The following GRIP1 variants were observed in gnomAD, a reference collection of about 807,000 sequenced individuals.
The protein encoded by GRIP1 is glutamate receptor interacting protein 1, also known as glutamate receptor-interacting protein 1.
A neutral mutation model predicts 129.9 loss-of-function variants in GRIP1; 45 were observed. The ratio of observed to expected loss-of-function variants is 0.35; its 90% confidence interval spans 0.27 to 0.44. The LOEUF (loss-of-function observed/expected upper bound fraction) is 0.44, where lower values mean the gene tolerates loss of function less well. Ranked by LOEUF, GRIP1 falls within the 20% of genes least tolerant of loss-of-function variation. The pLI is 1.00. For missense variants in GRIP1, 1,196 were observed against 1,396.8 expected (o/e 0.86, Z 2.29); for synonymous variants, 530 against 520.8 (o/e 1.02, Z -0.24).
At chr12:66,450,840 ACAAT>A (rs1162433997) in intron 11 of GRIP1, among the ~76,000 whole-genome samples, 2 of 152,212 alleles carry the variant, frequency 1.3e-5, no homozygotes, top group Admixed American at 6.5e-5. Flanking sequence ...AAAGAAAAAA[ACAAT>A]CAATATTAAC....
intron 16 of GRIP1, among the ~76,000 whole-genome samples, chr12:66,400,438 C>A (rs911682189): frequency 6.6e-6 from 1 of 152,184 alleles, no homozygotes; most frequent in Non-Finnish European, 1.5e-5. Context: ...CACCAATACT[C>A]CAATCTGGGT....
intron 2 of GRIP1, among the ~76,000 whole-genome samples, chr12:66,567,007 TTC>T (rs2062787192): frequency 6.6e-6 from 1 of 152,152 alleles, no homozygotes; most frequent in Admixed American, 6.6e-5. Flanking sequence ...ATTGCATGTA[TTC>T]TCTCTTTTCT....
intron 1 of GRIP1, among the ~76,000 whole-genome samples, chr12:67,068,217 G>A (rs1009643858): frequency 2.6e-4 from 39 of 152,176 alleles, no homozygotes; most frequent in African/African-American, 9.2e-4. Context: ...AAGCCTTGAA[G>A]GTGCAAAAGG....
chr12:66,833,543 G>C (rs2039556241), intron 1 of GRIP1, among the ~76,000 whole-genome samples: 1 of 152,136 alleles, frequency 6.6e-6, no homozygotes. Flanking sequence ...CTGGATCCAA[G>C]TATCTACCAC....
chr12:66,520,274 CAGTGATTCTTA>C (rs1390504363), intron 5 of GRIP1, among the ~76,000 whole-genome samples: 1 of 152,114 alleles, frequency 6.6e-6, no homozygotes, highest in East Asian at 1.9e-4. Flanking sequence ...TCTGATTAAC[CAGTGATTCTTA>C]AGTGATGGGT....
chr12:66,494,784 A>G (rs2060191681), intron 7 of GRIP1, among the ~76,000 whole-genome samples: 1 of 151,942 alleles, frequency 6.6e-6, no homozygotes, highest in Non-Finnish European at 1.5e-5. Context: ...GGGAGGCTGA[A>G]GTAGGAGGAT....
intron 2 of GRIP1, among the ~76,000 whole-genome samples, chr12:66,577,732 TTGAGCCCAGGAATTCAAAACCATCC>T: frequency 6.6e-6 from 1 of 152,148 alleles, no homozygotes; most frequent in African/African-American, 2.4e-5. Flanking sequence ...GGAGGATTGC[TTGAGCCCAGGAATTCAAAACCATCC>T]TGGGCAACAT....
chr12:66,464,765 C>CTG (rs35930453), intron 8 of GRIP1, among the ~76,000 whole-genome samples: 1 of 151,942 alleles, frequency 6.6e-6, no homozygotes, highest in Non-Finnish European at 1.5e-5. Context: ...TTTTTAAGCC[C>CTG]TGTAACAGTA....
chr12:66,582,311 C>G (rs1201605113), intron 2 of GRIP1, among the ~76,000 whole-genome samples: 4 of 139,768 alleles, frequency 2.9e-5, no homozygotes, highest in African/African-American at 1.1e-4. Flanking sequence ...ACTGAATGGG[C>G]AAAAACTGGA....
intron 11 of GRIP1, among the ~76,000 whole-genome samples, chr12:66,448,405 C>T (rs1711669458): frequency 6.6e-6 from 1 of 152,104 alleles, no homozygotes; most frequent in South Asian, 2.1e-4. Flanking sequence ...AATTTCAGTA[C>T]CTCAATTTGG....
intron 1 of GRIP1, among the ~76,000 whole-genome samples, chr12:66,730,151 C>T (rs2036387726): frequency 6.6e-6 from 1 of 152,118 alleles, no homozygotes; most frequent in East Asian, 1.9e-4. Context: ...GAAATTATTA[C>T]ACCTATTAGT....
intron 1 of GRIP1, among the ~76,000 whole-genome samples, chr12:66,858,024 A>G (rs2040037452): frequency 6.6e-6 from 1 of 151,970 alleles, no homozygotes; most frequent in Admixed American, 6.6e-5. Context: ...AACACTGCCT[A>G]CCTTTCCTTT....
intron 1 of GRIP1, among the ~76,000 whole-genome samples, chr12:66,641,138 T>C (rs958143666): frequency 1.3e-5 from 2 of 152,252 alleles, no homozygotes; most frequent in African/African-American, 4.8e-5. Context: ...TTAGGATAAT[T>C]TGTCAATTTA....
intron 1 of GRIP1, among the ~76,000 whole-genome samples, chr12:66,944,790 G>GTTTGT (rs1346208614): frequency 6.7e-6 from 1 of 148,296 alleles, no homozygotes; most frequent in Non-Finnish European, 1.5e-5. Context: ...GTGTTTTGTT[G>GTTTGT]TTTGTTTTGT....
At chr12:67,012,648 T>TGA (rs1286297063) in intron 1 of GRIP1, among the ~76,000 whole-genome samples, 1 of 152,154 alleles carries the variant, frequency 6.6e-6, no homozygotes, top group Non-Finnish European at 1.5e-5. Context: ...ATAAGCAAGG[T>TGA]GAGACTCAGG....
In GRIP1 at chr12:66,969,631, G is replaced by A. The variant is rs544280811; in HGVS notation, c.58+99419C>T. On this transcript the variant is annotated intron_variant, in intron 1 of 1. Coordinates refer to the GRIP1 transcript ENST00000643019. ...AGGGTCTCACTATGTTGCCCAGGCT[G>A]GTCTGGAACTCTTGGGCTCAAGCAA... Among the ~76,000 whole-genome samples, 201 of 152,128 alleles carry A rather than the reference G, an allele frequency of 1.3e-3. 2 individuals are homozygous for A. Among genetic ancestry groups the A allele is most frequent in the Non-Finnish European group, 2.4e-3 (163 of 67,974 alleles).
At chr12:66,809,670 T>C (rs1198762606) in intron 1 of GRIP1, among the ~76,000 whole-genome samples, 1 of 152,016 alleles carries the variant, frequency 6.6e-6, no homozygotes, top group African/African-American at 2.4e-5. Context: ...GTCTTTTTTT[T>C]TTTTTTTGAG....
chr12:66,611,808 T>TA (rs996430459), intron 1 of GRIP1, among the ~76,000 whole-genome samples: 2 of 200 alleles, frequency 0.01, no homozygotes, highest in African/African-American at 0.045. Flanking sequence ...CTACGGTTTA[T>TA]ACAACAGAGT....
At chr12:66,471,289 G>C (rs943804492) in intron 7 of GRIP1, among the ~76,000 whole-genome samples, 2 of 152,176 alleles carry the variant, frequency 1.3e-5, no homozygotes, top group African/African-American at 4.8e-5. Context: ...GGTTAACAGA[G>C]GTGCAGTTTG....
Sources: gnomAD v4.1 joint callset for allele counts (sites outside exome capture counted in the v4.1 genomes callset) on GRCh38, gnomAD v4.1.1 for gene constraint, MANE v1.5 for transcripts, NCBI Gene and HGNC (gene_info 2026-07-23, HGNC 2026-07-21) for gene names.